Variants in NPAS3 observed in about 807,000 individuals in gnomAD.
NPAS3 encodes neuronal PAS domain protein 3.
In NPAS3, 14 loss-of-function variants were observed where a neutral mutation model predicts 73.1. The observed-to-expected ratio is 0.19, with a 90% CI of 0.13 to 0.30. The LOEUF (loss-of-function observed/expected upper bound fraction) is 0.30, where lower values mean the gene tolerates loss of function less well. Among genes scored for constraint, NPAS3 ranks in the 10% least tolerant of loss-of-function variants. NPAS3 has a pLI of 1.00. For synonymous variants in NPAS3, 620 were observed against 541.5 expected (o/e 1.14, Z -2.01); for missense variants, 1,096 against 1,250.0 (o/e 0.88, Z 1.86).
At chr14:33,080,597 C>T (rs1055826534) in intron 2 of NPAS3, among the ~76,000 whole-genome samples, 3 of 152,106 alleles carry the variant, frequency 2.0e-5, no homozygotes, top group African/African-American at 4.8e-5. Context: ...GAAAATGAAA[C>T]CTGAGTTCAC....
chr14:33,595,308 A>G (rs560301878), intron 5 of NPAS3, among the ~76,000 whole-genome samples: 39 of 152,240 alleles, frequency 2.6e-4, no homozygotes, highest in African/African-American at 8.4e-4. Flanking sequence ...AGCGGCCAAA[A>G]ATTTATCTTC....
At chr14:33,657,228 G>A (rs1321154602) in intron 5 of NPAS3, among the ~76,000 whole-genome samples, 1 of 152,168 alleles carries the variant, frequency 6.6e-6, no homozygotes, top group East Asian at 1.9e-4. Flanking sequence ...AGCCCCTAAA[G>A]TTCTGAATCT....
chr14:33,439,019 C>G (rs2049114564), intron 4 of NPAS3, among the ~76,000 whole-genome samples: 1 of 151,958 alleles, frequency 6.6e-6, no homozygotes. Flanking sequence ...AATTAAATTT[C>G]CACAATTGTT....
intron 3 of NPAS3, among the ~76,000 whole-genome samples, chr14:33,308,428 C>T (rs903440534): frequency 6.6e-6 from 1 of 151,428 alleles, no homozygotes; most frequent in South Asian, 2.1e-4. Flanking sequence ...GGAAGCTTCA[C>T]AGGTATTCAG....
chr14:33,622,721 A>G (rs2058111223), intron 5 of NPAS3, among the ~76,000 whole-genome samples: 1 of 152,214 alleles, frequency 6.6e-6, no homozygotes, highest in Non-Finnish European at 1.5e-5. Flanking sequence ...CACCGATTAT[A>G]CAAACTTCAT....
At chr14:32,952,098 A>G (rs1055307080) in intron 1 of NPAS3, among the ~76,000 whole-genome samples, 2 of 151,892 alleles carry the variant, frequency 1.3e-5, no homozygotes, top group Non-Finnish European at 2.9e-5. Context: ...TGTAGATTAT[A>G]CATATATTCT....
rs969986967 is a variant in NPAS3, at chr14:33,615,392, G to A, written c.558+55182G>A. 2.0e-5 allele frequency among the ~76,000 whole-genome samples: 3 copies of A among 152,276 alleles called. No homozygotes were observed. In the East Asian group the frequency reaches 5.8e-4, roughly 29 times the overall value. Reference sequence around the variant, plus strand: ...AGCTGTGACAGCAGCGACTGCAGAGGTGGAAGGGCAGAACCGGAGCAAGGG... The same window carrying A: ...AGCTGTGACAGCAGCGACTGCAGAGATGGAAGGGCAGAACCGGAGCAAGGG... On this transcript the variant is annotated intron_variant, in intron 5 of 11. Coordinates refer to ENST00000356141, the Ensembl canonical transcript of NPAS3.
Position 33,108,576 on chromosome 14 carries a change from T to C in NPAS3, c.140+52582T>C, listed in dbSNP as rs2042793718. On this transcript the variant is annotated intron_variant, in intron 2 of 11. Transcript: ENST00000356141. ...TGTGAGTTTTGTCTTAAGAAGCAAA[T>C]GCATTTTAGAATCTGCTGTGACAAA... Among the ~76,000 whole-genome samples, 4 of 152,178 alleles carry C rather than the reference T, an allele frequency of 2.6e-5. 1 individual carries two copies. The highest frequency in any genetic ancestry group is 4.1e-4 in the South Asian group (2 of 4,828).
At chr14:33,472,217 G>T (rs890370317) in intron 4 of NPAS3, among the ~76,000 whole-genome samples, 18 of 152,200 alleles carry the variant, frequency 1.2e-4, no homozygotes, top group Admixed American at 3.3e-4. Context: ...GGGGGCTGAG[G>T]TTATGTAGAT....
chr14:33,550,199 G>C (rs957073939), intron 4 of NPAS3, among the ~76,000 whole-genome samples: 6 of 151,992 alleles, frequency 3.9e-5, no homozygotes, highest in Admixed American at 3.3e-4. Flanking sequence ...GTTTTGTTTT[G>C]TTTGAGACGA....
intron 4 of NPAS3, among the ~76,000 whole-genome samples, chr14:33,519,181 A>C (rs368337304): frequency 6.6e-6 from 1 of 152,076 alleles, no homozygotes; most frequent in African/African-American, 2.4e-5. Flanking sequence ...ACCAGTTTCA[A>C]CTGTTTCGCT....
intron 3 of NPAS3, among the ~76,000 whole-genome samples, chr14:33,339,886 GAC>G (rs1413854842): frequency 6.6e-6 from 1 of 151,416 alleles, no homozygotes; most frequent in Non-Finnish European, 1.5e-5. Context: ...TGTAATATAT[GAC>G]ACATAAAATA....
At chr14:33,703,744 A>G (rs1360031085) in intron 6 of NPAS3, among the ~76,000 whole-genome samples, 1 of 152,188 alleles carries the variant, frequency 6.6e-6, no homozygotes, top group Non-Finnish European at 1.5e-5. Flanking sequence ...TACATGTATT[A>G]TCTGGTTTAA....
At chr14:33,199,250 A>T (rs2046515861) in intron 2 of NPAS3, among the ~76,000 whole-genome samples, 1 of 152,156 alleles carries the variant, frequency 6.6e-6, no homozygotes, top group Non-Finnish European at 1.5e-5. Context: ...CAGGCCGAGG[A>T]GGCACTGAGA....
chr14:33,660,730 T>G (rs2059281741), intron 5 of NPAS3, among the ~76,000 whole-genome samples: 1 of 151,962 alleles, frequency 6.6e-6, no homozygotes, highest in South Asian at 2.1e-4. Context: ...ATATCCCGGG[T>G]TCTTCTGCAG....
chr14:33,611,614 A>C, intron 5 of NPAS3, among the ~76,000 whole-genome samples: 1 of 152,224 alleles, frequency 6.6e-6, no homozygotes, highest in African/African-American at 2.4e-5. Context: ...ATTCACTCAC[A>C]GCATGACTCA....
At chr14:33,215,003 A>G in intron 2 of NPAS3, 179 bp from the exon 3 acceptor site, 2 of 628,584 alleles carry the variant, frequency 3.2e-6, no homozygotes, top group Non-Finnish European at 5.5e-6. Flanking sequence ...GTAAGGCCAG[A>G]GTTAGAGTTT....
At chr14:33,095,657 C>CTTTTTTTTTTTTTTTTTTTTTTTTTTTTT (rs201283993) in intron 2 of NPAS3, among the ~76,000 whole-genome samples, 1 of 97,656 alleles carries the variant, frequency 1.0e-5, no homozygotes. Context: ...GCATTCTCTG[C>CTTTTTTTTTTTTTTTTTTTTTTTTTTTTT]TTTTATTTTT....
chr14:33,373,386 A>ATGTGTGTG (rs5807721), intron 4 of NPAS3, among the ~76,000 whole-genome samples: 1,626 of 147,236 alleles, frequency 0.011, 30 homozygotes, highest in African/African-American at 0.029. Flanking sequence ...ATTGAACTAT[A>ATGTGTGTG]TGTGTGTGTG....
Sources: gnomAD v4.1 joint callset for allele counts (sites outside exome capture counted in the v4.1 genomes callset) on GRCh38, gnomAD v4.1.1 for gene constraint, MANE v1.5 for transcripts, NCBI Gene and HGNC (gene_info 2026-07-23, HGNC 2026-07-21) for gene names.